The following NLGN1 variants were observed in gnomAD, a reference collection of about 807,000 sequenced individuals.
NLGN1 encodes the protein neuroligin-1.
In NLGN1, 12 loss-of-function variants were observed where a neutral mutation model predicts 65.5. That is an observed-to-expected ratio of 0.18 (90% confidence interval 0.12 to 0.30). The LOEUF is 0.30. Ranked by LOEUF, NLGN1 falls within the 10% of genes least tolerant of loss-of-function variation. The pLI, the probability that NLGN1 is intolerant of heterozygous loss-of-function variation, is 1.00. For missense variants in NLGN1, 750 were observed against 1,007.1 expected (o/e 0.74, Z 3.46); for synonymous variants, 350 against 359.5 (o/e 0.97, Z 0.30).
chr3:173,548,976 A>G (rs1740386109), intron 2 of NLGN1, among the ~76,000 whole-genome samples: 1 of 152,020 alleles, frequency 6.6e-6, no homozygotes, highest in African/African-American at 2.4e-5. Flanking sequence ...TGCAGTTTGA[A>G]AAACATTGTT....
intron 4 of NLGN1, among the ~76,000 whole-genome samples, chr3:173,992,945 G>A (rs1007314650): frequency 6.6e-6 from 1 of 152,154 alleles, no homozygotes; most frequent in Admixed American, 6.6e-5. Flanking sequence ...TTTTATCCAT[G>A]TGGGTTACGA....
intron 2 of NLGN1, among the ~76,000 whole-genome samples, chr3:173,443,100 G>C (rs138496037): frequency 3.3e-5 from 5 of 151,884 alleles, no homozygotes; most frequent in South Asian, 2.1e-4. Context: ...CCAGTCAGGT[G>C]TTGTACCTAG....
intron 3 of NLGN1, among the ~76,000 whole-genome samples, chr3:173,750,913 A>G (rs1776220099): frequency 6.6e-6 from 1 of 152,144 alleles, no homozygotes; most frequent in East Asian, 1.9e-4. Flanking sequence ...GCACAACTTA[A>G]CTGCTGGTAG....
At chr3:173,795,680 G>T (rs1713887125) in intron 3 of NLGN1, among the ~76,000 whole-genome samples, 1 of 151,992 alleles carries the variant, frequency 6.6e-6, no homozygotes, top group Non-Finnish European at 1.5e-5. Context: ...ACATAATCCT[G>T]TCGTTACTTA....
intron 4 of NLGN1, among the ~76,000 whole-genome samples, chr3:174,138,584 G>A (rs536715817): frequency 7.9e-4 from 120 of 151,876 alleles, no homozygotes; most frequent in African/African-American, 2.8e-3. Flanking sequence ...ACAGGCCCCC[G>A]CCACCACGCC....
rs79227894 is a variant in NLGN1 at position 173,592,190 on chromosome 3, A to C, written c.-320-12089A>C. On this transcript the variant is annotated intron_variant, in intron 2 of 6. Transcript: ENST00000457714. ...TCTAGATTTAACAATTAATATTTGG[A>C]GATTACACCTGAAAATAGTTTCAGA... Among the ~76,000 whole-genome samples, 28 of 152,336 alleles carry C rather than the reference A, an allele frequency of 1.8e-4. No individual in the cohort carries two copies. In the East Asian group the frequency reaches 5.4e-3, roughly 29 times the overall value.
intron 4 of NLGN1, among the ~76,000 whole-genome samples, chr3:173,911,286 T>G (rs1739533648): frequency 6.6e-6 from 1 of 152,198 alleles, no homozygotes; most frequent in Non-Finnish European, 1.5e-5. Flanking sequence ...AATTATTAAG[T>G]GACAGTAATA....
At chr3:174,037,258 C>A (rs1315645306) in intron 4 of NLGN1, among the ~76,000 whole-genome samples, 1 of 152,164 alleles carries the variant, frequency 6.6e-6, no homozygotes, top group African/African-American at 2.4e-5. Context: ...ACCTCATCAG[C>A]ATCTGTTATT....
intron 4 of NLGN1, among the ~76,000 whole-genome samples, chr3:174,265,608 C>T (rs1433630762): frequency 2.6e-5 from 4 of 152,016 alleles, no homozygotes; most frequent in Non-Finnish European, 5.9e-5. Flanking sequence ...GAACCCGGTA[C>T]CTCAGATGGA....
exon 4 of NLGN1, chr3:173,807,799 G>C: frequency 6.2e-7 from 1 of 1,613,362 alleles, no homozygotes; most frequent in Non-Finnish European, 8.5e-7. Context: ...CAATGTGATC[G>C]TCATCACAGT....
chr3:173,730,967 A>G (rs1461975456), intron 3 of NLGN1, among the ~76,000 whole-genome samples: 3 of 152,102 alleles, frequency 2.0e-5, no homozygotes, highest in African/African-American at 7.2e-5. Context: ...CAAGGCTTCA[A>G]AGAGGCCATG....
At chr3:173,850,204 C>T (rs1224299939) in intron 4 of NLGN1, among the ~76,000 whole-genome samples, 1 of 151,978 alleles carries the variant, frequency 6.6e-6, no homozygotes, top group Non-Finnish European at 1.5e-5. Flanking sequence ...CATAAACTTC[C>T]ATTTATTCAT....
At chr3:173,846,400 C>T (rs1245211318) in intron 4 of NLGN1, among the ~76,000 whole-genome samples, 2 of 152,064 alleles carry the variant, frequency 1.3e-5, no homozygotes, top group Admixed American at 1.3e-4. Context: ...GGACATACTC[C>T]CATGTGGGGT....
At chr3:174,040,584 A>T (rs1732069038) in intron 4 of NLGN1, among the ~76,000 whole-genome samples, 1 of 152,158 alleles carries the variant, frequency 6.6e-6, no homozygotes, top group Non-Finnish European at 1.5e-5. Flanking sequence ...CACTACTGAG[A>T]AAATGAATAG....
At chr3:173,495,259 A>T (rs1729811354) in intron 2 of NLGN1, among the ~76,000 whole-genome samples, 1 of 151,756 alleles carries the variant, frequency 6.6e-6, no homozygotes, top group South Asian at 2.1e-4. Context: ...TGCAAACATA[A>T]TTGATTTTTA....
intron 3 of NLGN1, among the ~76,000 whole-genome samples, chr3:173,748,440 A>G (rs1200383797): frequency 1.3e-5 from 2 of 152,110 alleles, no homozygotes; most frequent in African/African-American, 2.4e-5. Context: ...GTAATGGGAA[A>G]GGTCTTCCCT....
Position 174,130,732 on chromosome 3 carries a change from G to C in NLGN1, c.647-144583G>C, listed in dbSNP as rs1002333395. Among the ~76,000 whole-genome samples, 4 of 152,232 alleles carry C rather than the reference G, an allele frequency of 2.6e-5. No homozygotes were observed. The East Asian group carries it at 5.8e-4, about 22-fold the overall frequency. ...AGGGACAGAATTGTTCATTGGGAGA[G>C]TTACACTCATTAATGACGGAAGAAT... On this transcript the variant is annotated intron_variant, in intron 4 of 6. Transcript: ENST00000457714.
intron 3 of NLGN1, among the ~76,000 whole-genome samples, chr3:173,623,541 A>G (rs1754355186): frequency 6.6e-6 from 1 of 152,084 alleles, no homozygotes; most frequent in Non-Finnish European, 1.5e-5. Context: ...AGAGAATAGC[A>G]TGGGCAAAGA....
chr3:173,633,664 T>C (rs889000945), intron 3 of NLGN1, among the ~76,000 whole-genome samples: 16 of 152,150 alleles, frequency 1.1e-4, no homozygotes, highest in Non-Finnish European at 1.5e-5. Context: ...TCTGAGAAGG[T>C]AGGCCAGCCC....
Sources: gnomAD v4.1 joint callset for allele counts (sites outside exome capture counted in the v4.1 genomes callset) on GRCh38, gnomAD v4.1.1 for gene constraint, MANE v1.5 for transcripts, NCBI Gene and HGNC (gene_info 2026-07-23, HGNC 2026-07-21) for gene names.